SPOCK3: variants seen among roughly 807,000 people sequenced by gnomAD.
The protein encoded by SPOCK3 is SPARC (osteonectin), cwcv and kazal like domains proteoglycan 3, also known as testican-3.
A neutral mutation model predicts 56.6 loss-of-function variants in SPOCK3; 30 were observed. The ratio of observed to expected loss-of-function variants is 0.53; its 90% CI spans 0.40 to 0.72. The LOEUF (loss-of-function observed/expected upper bound fraction) is 0.72, where lower values mean the gene tolerates loss of function less well. SPOCK3 is among the 30% of genes least tolerant of loss of function. The pLI, the probability that SPOCK3 is intolerant of heterozygous loss-of-function variation, is 0.00. For missense variants in SPOCK3, 527 were observed against 530.0 expected, an observed-to-expected ratio of 0.99 and a Z score of 0.06; for synonymous variants, 196 against 183.3, an observed-to-expected ratio of 1.07 and a Z score of -0.56.
chr4:167,154,482 T>G (rs1561273131), intron 2 of SPOCK3, among the ~76,000 whole-genome samples: 1 of 152,162 alleles, frequency 6.6e-6, no homozygotes, highest in Non-Finnish European at 1.5e-5. Flanking sequence ...AAATAATAGC[T>G]GGCTGCAATG....
chr4:166,933,754 T>C (rs896257350), intron 4 of SPOCK3, among the ~76,000 whole-genome samples: 7 of 152,190 alleles, frequency 4.6e-5, no homozygotes, highest in Non-Finnish European at 1.0e-4. Context: ...ATAATAAATA[T>C]AATGTTTCCC....
At chr4:166,885,771 G>A (rs1481151173) in intron 6 of SPOCK3, among the ~76,000 whole-genome samples, 1 of 152,092 alleles carries the variant, frequency 6.6e-6, no homozygotes, top group Non-Finnish European at 1.5e-5. Context: ...AATTTTAAGA[G>A]GTTAGATATA....
At chr4:166,842,696 G>A (rs1747571755) in intron 6 of SPOCK3, among the ~76,000 whole-genome samples, 1 of 152,226 alleles carries the variant, frequency 6.6e-6, no homozygotes, top group East Asian at 1.9e-4. Flanking sequence ...ACAGAGTGCT[G>A]ATTGGTGCAT....
chr4:166,909,074 G>A (rs1193422680), intron 5 of SPOCK3, among the ~76,000 whole-genome samples: 2 of 152,008 alleles, frequency 1.3e-5, no homozygotes. Context: ...CAGGAAAAAA[G>A]GCAATGTTCC....
chr4:166,745,397 A>G (rs1735470738), intron 8 of SPOCK3, among the ~76,000 whole-genome samples: 1 of 152,194 alleles, frequency 6.6e-6, no homozygotes, highest in Non-Finnish European at 1.5e-5. Context: ...TAAATTTCAT[A>G]AGTGAAGGAG....
chr4:167,043,775 C>T (rs780324989), intron 3 of SPOCK3, among the ~76,000 whole-genome samples: 1 of 151,794 alleles, frequency 6.6e-6, no homozygotes, highest in African/African-American at 2.4e-5. Context: ...CTTGCATTCC[C>T]GAGATAAACC....
At chr4:167,120,545 G>T (rs559706086) in intron 2 of SPOCK3, among the ~76,000 whole-genome samples, 1 of 152,014 alleles carries the variant, frequency 6.6e-6, no homozygotes, top group East Asian at 1.9e-4. Context: ...TAAATAATTC[G>T]ATTACTCAGT....
At chr4:166,950,805 G>A (rs1276611460) in intron 4 of SPOCK3, among the ~76,000 whole-genome samples, 1 of 149,376 alleles carries the variant, frequency 6.7e-6, no homozygotes, top group Non-Finnish European at 1.5e-5. Flanking sequence ...TCAACTACAT[G>A]GAAACTGAAC....
intron 2 of SPOCK3, among the ~76,000 whole-genome samples, chr4:167,097,442 A>G (rs538187543): frequency 6.6e-6 from 1 of 151,722 alleles, no homozygotes; most frequent in African/African-American, 2.4e-5. Flanking sequence ...TGTGTCTTAC[A>G]TTGCTTTTCA....
At chr4:167,016,064 C>T (rs543478582) in intron 3 of SPOCK3, among the ~76,000 whole-genome samples, 5 of 152,150 alleles carry the variant, frequency 3.3e-5, no homozygotes, top group Admixed American at 1.3e-4. Context: ...TGTAAATTGA[C>T]GATCCAATTA....
At chr4:166,863,644 C>T (rs1560946335) in intron 6 of SPOCK3, among the ~76,000 whole-genome samples, 1 of 152,026 alleles carries the variant, frequency 6.6e-6, no homozygotes, top group Admixed American at 6.6e-5. Context: ...CAATCCTAGT[C>T]TCTGATAAAA....
At chr4:167,046,391 C>T (rs1353250977) in intron 3 of SPOCK3, among the ~76,000 whole-genome samples, 4 of 135,374 alleles carry the variant, frequency 3.0e-5, no homozygotes, top group Non-Finnish European at 6.5e-5. Flanking sequence ...AAAATTATGT[C>T]ATTATTGTTT....
chr4:167,180,479 G>A (rs1472818338), intron 2 of SPOCK3, among the ~76,000 whole-genome samples: 1 of 152,168 alleles, frequency 6.6e-6, no homozygotes, highest in Admixed American at 6.5e-5. Context: ...CCCGTGAGGA[G>A]AAAGGATAAA....
At chr4:166,860,193 G>A (rs1301551084) in intron 6 of SPOCK3, among the ~76,000 whole-genome samples, 1 of 152,050 alleles carries the variant, frequency 6.6e-6, no homozygotes, top group Non-Finnish European at 1.5e-5. Context: ...GGGCTCTCTA[G>A]GGAAGATTAT....
At chr4:166,844,286 T>G (rs1001702970) in intron 6 of SPOCK3, among the ~76,000 whole-genome samples, 2 of 152,240 alleles carry the variant, frequency 1.3e-5, no homozygotes, top group African/African-American at 4.8e-5. Flanking sequence ...GGGTATGATA[T>G]GCCTACCTTA....
At chr4:167,029,540 A>G (rs150323996) in intron 3 of SPOCK3, among the ~76,000 whole-genome samples, 1 of 152,174 alleles carries the variant, frequency 6.6e-6, no homozygotes, top group East Asian at 1.9e-4. Flanking sequence ...TAAGATTATA[A>G]TTTAACTAAA....
intron 2 of SPOCK3, among the ~76,000 whole-genome samples, chr4:167,132,654 A>G (rs934613982): frequency 6.6e-6 from 1 of 152,182 alleles, no homozygotes; most frequent in Non-Finnish European, 1.5e-5. Context: ...AGTGGAGGCC[A>G]GAAGCCACAA....
chr4:166,884,865 G>T (rs575859823), intron 6 of SPOCK3, among the ~76,000 whole-genome samples: 1 of 118,688 alleles, frequency 8.4e-6, no homozygotes, highest in Non-Finnish European at 1.9e-5. Flanking sequence ...TCCATAAACT[G>T]GTTAAACACA....
At chr4:166,975,579 T>G (rs113751261) in intron 4 of SPOCK3, among the ~76,000 whole-genome samples, 3 of 152,316 alleles carry the variant, frequency 2.0e-5, no homozygotes, top group African/African-American at 7.2e-5. Flanking sequence ...TGTTGTGCTA[T>G]CAAATATTTA....
Sources: allele counts gnomAD v4.1 joint callset (sites outside exome capture counted in the v4.1 genomes callset), GRCh38; gene constraint gnomAD v4.1.1; transcripts MANE v1.5; gene names NCBI Gene and HGNC (gene_info 2026-07-23, HGNC 2026-07-21).